Variants in RHBDD1 observed in about 807,000 individuals in gnomAD.
RHBDD1 encodes the protein rhomboid-related protein 4.
In RHBDD1, 38 loss-of-function variants were observed where a neutral mutation model predicts 36.3. The ratio of observed to expected loss-of-function variants is 1.05; its 90% CI spans 0.81 to 1.37. The LOEUF is 1.37. Among genes scored for constraint, RHBDD1 ranks in the 40% most tolerant of loss-of-function variants. RHBDD1 has a pLI of 0.00. For synonymous variants in RHBDD1, 151 were observed against 136.5 expected, an observed-to-expected ratio of 1.11 and a Z score of -0.74; for missense variants, 393 against 377.6, an observed-to-expected ratio of 1.04 and a Z score of -0.34.
chr2:226,864,628 A>G lies in RHBDD1; in HGVS notation c.-66A>G. 1 of 1,314,850 alleles carries G rather than the reference A, an allele frequency of 7.6e-7. No individual in the cohort carries two copies. Among genetic ancestry groups the G allele is most frequent in the Non-Finnish European group, 1.1e-6 (1 of 931,026 alleles). The allele number at this position is 1,314,850 out of a possible 1,614,324, so 81.4% of individuals were successfully genotyped here. ...GGTTCAGCCGTCTGTATATCTCCCC[A>G]GATACCTGAAACTGACCACCTGAGT... is the stretch of plus-strand genomic sequence containing the variant. On this transcript the variant is annotated 5_prime_UTR_variant, in exon 4 of 9. Transcript: ENST00000392062.
At chr2:226,827,953 T>G in the RHBDD1 span, among the ~76,000 whole-genome samples, 1 of 152,220 alleles carries the variant, frequency 6.6e-6, no homozygotes, top group Admixed American at 6.5e-5. Flanking sequence ...TTAAATAGCT[T>G]TGTTAATGTG....
the RHBDD1 span, among the ~76,000 whole-genome samples, chr2:226,812,932 T>C: frequency 6.6e-6 from 1 of 152,172 alleles, no homozygotes; most frequent in African/African-American, 2.4e-5. Context: ...GCCCTCTACA[T>C]ATATTATTTC....
At chr2:226,857,443 C>A (rs1192715443) in intron 3 of RHBDD1, among the ~76,000 whole-genome samples, 1 of 151,730 alleles carries the variant, frequency 6.6e-6, no homozygotes, top group Non-Finnish European at 1.5e-5. Flanking sequence ...ATGTATATAC[C>A]CCAGAGAACT....
At chr2:226,854,871 A>G (rs184686984) in intron 3 of RHBDD1, among the ~76,000 whole-genome samples, 2 of 152,338 alleles carry the variant, frequency 1.3e-5, no homozygotes, top group Admixed American at 1.3e-4. Context: ...AAGCAAATTG[A>G]GTCAGGTGCT....
chr2:226,871,847 G>A (rs4675108), intron 5 of RHBDD1, among the ~76,000 whole-genome samples: 28,369 of 152,162 alleles, frequency 0.19, 4,317 homozygotes, highest in African/African-American at 0.42. Context: ...TCCTATGTTA[G>A]GAATTACAAG....
chr2:226,840,252 A>C (rs1941463015), intron 3 of RHBDD1, among the ~76,000 whole-genome samples: 1 of 152,204 alleles, frequency 6.6e-6, no homozygotes, highest in Non-Finnish European at 1.5e-5. Flanking sequence ...CTGTTTCAGG[A>C]AAGAAAATCT....
chr2:226,937,728 A>G (rs1363920104), intron 8 of RHBDD1, among the ~76,000 whole-genome samples: 3 of 152,158 alleles, frequency 2.0e-5, no homozygotes, highest in Admixed American at 1.3e-4. Context: ...TTTGCTAAGG[A>G]TAATGGCCTC....
chr2:226,848,270 A>G (rs763585126), intron 3 of RHBDD1, among the ~76,000 whole-genome samples: 22 of 152,234 alleles, frequency 1.4e-4, no homozygotes, highest in Non-Finnish European at 3.1e-4. Flanking sequence ...GATGTAGAAT[A>G]TAAGTTTTAC....
chr2:226,963,251 C>G (rs1022888745), intron 8 of RHBDD1, among the ~76,000 whole-genome samples: 2 of 152,142 alleles, frequency 1.3e-5, no homozygotes, highest in African/African-American at 4.8e-5. Flanking sequence ...ATCAGTAAAG[C>G]ACCTTTTCTT....
At chr2:226,925,700 C>T (rs977024909) in intron 8 of RHBDD1, among the ~76,000 whole-genome samples, 10 of 152,182 alleles carry the variant, frequency 6.6e-5, no homozygotes, top group Non-Finnish European at 7.3e-5. Context: ...GTATAAGGCA[C>T]TTCAAGAGTC....
chr2:226,912,045 T>G (rs1310268947), intron 7 of RHBDD1, among the ~76,000 whole-genome samples: 1 of 152,122 alleles, frequency 6.6e-6, no homozygotes, highest in African/African-American at 2.4e-5. Flanking sequence ...TCACAATCAC[T>G]GAGAATGGAC....
intron 8 of RHBDD1, among the ~76,000 whole-genome samples, chr2:226,933,375 T>C (rs917315752): frequency 6.6e-6 from 1 of 152,122 alleles, no homozygotes; most frequent in African/African-American, 2.4e-5. Flanking sequence ...TAAAGGATGC[T>C]TTCTCTGGAC....
intron 5 of RHBDD1, among the ~76,000 whole-genome samples, chr2:226,893,366 A>T (rs371251962): frequency 6.6e-6 from 1 of 152,208 alleles, no homozygotes; most frequent in African/African-American, 2.4e-5. Context: ...ATTTTTGTCT[A>T]TAGTAATAGC....
intron 8 of RHBDD1, among the ~76,000 whole-genome samples, chr2:226,940,676 T>C (rs535183192): frequency 6.6e-6 from 1 of 152,318 alleles, no homozygotes; most frequent in Admixed American, 6.5e-5. Context: ...CAGTACTGTT[T>C]TCAAATAGAA....
intron 3 of RHBDD1, among the ~76,000 whole-genome samples, chr2:226,851,399 C>G (rs1942797316): frequency 6.6e-6 from 1 of 151,976 alleles, no homozygotes; most frequent in Non-Finnish European, 1.5e-5. Flanking sequence ...GATGATCCAA[C>G]TGAGCCTAAA....
chr2:226,960,722 G>A (rs1952131554), intron 8 of RHBDD1, among the ~76,000 whole-genome samples: 1 of 152,080 alleles, frequency 6.6e-6, no homozygotes, highest in Non-Finnish European at 1.5e-5. Flanking sequence ...TTGACATCTC[G>A]CTATATTCAG....
chr2:226,812,680 A>G, the RHBDD1 span, among the ~76,000 whole-genome samples: 2 of 151,470 alleles, frequency 1.3e-5, no homozygotes, highest in African/African-American at 4.8e-5. Flanking sequence ...ATGCTTTTAT[A>G]TACACAGAAA....
At chr2:226,988,486 G>C in intron 8 of RHBDD1, 1 of 1,541,602 alleles carries the variant, frequency 6.5e-7, no homozygotes, top group Non-Finnish European at 8.7e-7. Context: ...TAGTGGAGTT[G>C]AGCAAAGACT....
intron 8 of RHBDD1, among the ~76,000 whole-genome samples, chr2:226,957,143 T>C (rs947882078): frequency 3.3e-5 from 5 of 152,198 alleles, no homozygotes; most frequent in Non-Finnish European, 5.9e-5. Context: ...CAGATTCCAG[T>C]CTTGTTTTAA....
Sources: allele counts gnomAD v4.1 joint callset (sites outside exome capture counted in the v4.1 genomes callset), GRCh38; gene constraint gnomAD v4.1.1; transcripts MANE v1.5; gene names NCBI Gene and HGNC (gene_info 2026-07-23, HGNC 2026-07-21).